Variants in CHKA observed in about 807,000 individuals in gnomAD.
The protein encoded by CHKA is CHETK-alpha.
In CHKA, 34 loss-of-function variants were observed where a neutral mutation model predicts 60.1. The ratio of observed to expected loss-of-function variants is 0.57; its 90% confidence interval spans 0.43 to 0.75. CHKA has a LOEUF of 0.75. CHKA is among the 30% of genes least tolerant of loss of function. The probability of loss-of-function intolerance (pLI) is 0.00; values close to 1 mark genes in which losing one functional copy is unlikely to be tolerated. For missense variants in CHKA, 563 were observed against 561.3 expected (o/e 1.00, Z -0.03); for synonymous variants, 217 against 223.1 (o/e 0.97, Z 0.24).
At chr11:68,081,984 T>A (rs1590854953) in intron 2 of CHKA, 1 of 152,404 alleles carries the variant, frequency 6.6e-6, no homozygotes, top group Non-Finnish European at 1.5e-5. Context: ...CTCGCCACTT[T>A]CCCAGAGTAA....
At chr11:68,090,426 C>T (rs1857314271) in intron 2 of CHKA, among the ~76,000 whole-genome samples, 1 of 152,176 alleles carries the variant, frequency 6.6e-6, no homozygotes, top group Non-Finnish European at 1.5e-5. Context: ...GACATGACTC[C>T]TTCAAGGAGT....
At position 68,118,007 on chromosome 11, in the gene CHKA, C is replaced by T. The variant is rs911230767; in HGVS notation, c.350+2821G>A. Among the ~76,000 whole-genome samples the T allele has an allele frequency of 5.3e-5, 8 of 152,194 alleles. No homozygotes were observed. The East Asian group carries it at 5.8e-4, about 11-fold the overall frequency. ...GCTCTGGCCAGGCTGCTGCTACAAA[C>T]GCAGAGCGAAAGCAGAAGCACATTC... On this transcript the variant is annotated intron_variant, in intron 1 of 11. Transcript: ENST00000265689.
At chr11:68,071,030 G>C (rs1301222951) in intron 4 of CHKA, among the ~76,000 whole-genome samples, 173 bp from the exon 5 acceptor site, 1 of 152,142 alleles carries the variant, frequency 6.6e-6, no homozygotes, top group East Asian at 1.9e-4. Context: ...CCCAGCAATT[G>C]CTATGGCATT....
intron 2 of CHKA, chr11:68,082,210 G>A (rs1857010516): frequency 1.3e-5 from 2 of 150,826 alleles, no homozygotes; most frequent in Non-Finnish European, 2.9e-5. Flanking sequence ...CAACCCTTGG[G>A]CTACATTCTT....
chr11:68,069,007 CAT>C, intron 6 of CHKA, 70 bp from the exon 7 acceptor site: 1 of 1,199,840 alleles, frequency 8.3e-7, no homozygotes, highest in Non-Finnish European at 1.2e-6. Flanking sequence ...GCTTTCTCCA[CAT>C]GGCCAGCACC....
chr11:68,087,938 C>A (rs576211478), intron 2 of CHKA, among the ~76,000 whole-genome samples: 1 of 151,996 alleles, frequency 6.6e-6, no homozygotes, highest in South Asian at 2.1e-4. Flanking sequence ...CATGGTGAAA[C>A]CCTGTCTCTA....
intron 11 of CHKA, among the ~76,000 whole-genome samples, chr11:68,057,214 T>G (rs527783589): frequency 4.6e-5 from 7 of 152,336 alleles, no homozygotes; most frequent in Non-Finnish European, 1.0e-4. Flanking sequence ...GAAAAAGCAC[T>G]TTGGTTTTTA....
intron 4 of CHKA, among the ~76,000 whole-genome samples, chr11:68,074,186 C>A (rs1388524618): frequency 6.6e-6 from 1 of 152,176 alleles, no homozygotes; most frequent in Non-Finnish European, 1.5e-5. Context: ...GGAAAATAAT[C>A]CTGACTGCTT....
chr11:68,106,633 A>G (rs1252283403), intron 1 of CHKA, among the ~76,000 whole-genome samples: 2 of 152,130 alleles, frequency 1.3e-5, no homozygotes, highest in East Asian at 3.8e-4. Context: ...GCAGGCCTCC[A>G]AGTCTGTTTT....
intron 4 of CHKA, among the ~76,000 whole-genome samples, chr11:68,071,193 A>G (rs143004442): frequency 6.6e-6 from 1 of 152,260 alleles, no homozygotes; most frequent in Non-Finnish European, 1.5e-5. Context: ...TCACTACCCA[A>G]TGCTGAAGTC....
chr11:68,093,437 TC>T (rs1178955285), intron 2 of CHKA, among the ~76,000 whole-genome samples: 1 of 152,130 alleles, frequency 6.6e-6, no homozygotes, highest in East Asian at 1.9e-4. Context: ...GGGTACCTCC[TC>T]CCCCCAAATT....
intron 2 of CHKA, among the ~76,000 whole-genome samples, chr11:68,089,429 T>C (rs182342715): frequency 3.3e-5 from 5 of 152,198 alleles, no homozygotes; most frequent in African/African-American, 9.6e-5. Flanking sequence ...AAGAAGAAGG[T>C]TTGTTTCTAA....
chr11:68,063,343 T>TA lies in CHKA; in HGVS notation c.1232+1181dup, dbSNP rs199956920. Among the ~76,000 whole-genome samples, 114 of 151,832 alleles carry TA rather than the reference T, an allele frequency of 7.5e-4. 2 individuals are homozygous for TA. The East Asian group carries it at 0.02, about 27-fold the overall frequency. On this transcript the variant is annotated intron_variant, in intron 10 of 11. Transcript: ENST00000265689. ...GCAAGACCTCGTGTCTACAAAAAAA[T>TA]ACAAAAATTAGCCAGGCATGGTGGT...
intron 2 of CHKA, among the ~76,000 whole-genome samples, chr11:68,090,836 T>TA (rs1386013758): frequency 4.6e-5 from 7 of 152,342 alleles, no homozygotes; most frequent in Non-Finnish European, 8.8e-5. Context: ...AGACCGCTCA[T>TA]AACGGTGAGG....
chr11:68,065,768 C>T lies in CHKA; in HGVS notation c.1125+18G>A, dbSNP rs767448998. 11 of 1,520,142 alleles carry T rather than the reference C, an allele frequency of 7.2e-6. No homozygotes were observed. Among genetic ancestry groups the T allele is most frequent in the Admixed American group, 3.5e-5 (2 of 57,470 alleles). 94.2% of individuals were successfully genotyped at this position (1,520,142 alleles called of 1,614,324 possible). On this transcript the variant is annotated intron_variant, in intron 9 of 11. Coordinates refer to ENST00000265689, the MANE Select transcript of CHKA (RefSeq NM_001277.3). The stretch of plus-strand genomic sequence containing the variant: ...ACATGTAATTTTCCTATCAAGTATA[C>T]AAAAACTCATCTCCTACCTGTTGTT...
At position 68,053,916 on chromosome 11, in the gene CHKA, G is replaced by A. The variant is rs1855895718; in HGVS notation, c.*72C>T. 1.5e-6 allele frequency: 2 copies of A among 1,339,860 alleles called. No individual in the cohort carries two copies. Among genetic ancestry groups the A allele is most frequent in the South Asian group, 1.2e-5 (1 of 82,708 alleles). The allele number at this position is 1,339,860 out of a possible 1,614,324, so 83.0% of individuals were successfully genotyped here. On this transcript the variant is annotated 3_prime_UTR_variant, in exon 12 of 12. Coordinates refer to ENST00000265689, the MANE Select transcript of CHKA (RefSeq NM_001277.3). Reference sequence around the variant, plus strand: ...TCCTGCCACAGGAGCAGTAGTCGAAGCACAGAGGGGACCCCGCTCTGCTGC... The same window carrying A: ...TCCTGCCACAGGAGCAGTAGTCGAAACACAGAGGGGACCCCGCTCTGCTGC...
At chr11:68,062,066 G>C (rs773873878) in intron 10 of CHKA, 32 bp from the exon 11 acceptor site, 5 of 1,400,106 alleles carry the variant, frequency 3.6e-6, no homozygotes, top group Non-Finnish European at 4.0e-6. Context: ...ACATATAAGA[G>C]ACATACAGTA....
At chr11:68,118,062 T>C (rs745461095) in intron 1 of CHKA, among the ~76,000 whole-genome samples, 3 of 151,916 alleles carry the variant, frequency 2.0e-5, no homozygotes, top group Non-Finnish European at 4.4e-5. Flanking sequence ...AGGGTTAAAT[T>C]TGGAATAGGA....
intron 1 of CHKA, among the ~76,000 whole-genome samples, chr11:68,105,666 CTGAA>C (rs2153027609): frequency 6.6e-6 from 1 of 152,112 alleles, no homozygotes; most frequent in South Asian, 2.1e-4. Flanking sequence ...TGTGAATCCG[CTGAA>C]TGAATGCTTA....
Sources: allele counts gnomAD v4.1 joint callset (sites outside exome capture counted in the v4.1 genomes callset), GRCh38; gene constraint gnomAD v4.1.1; transcripts MANE v1.5; gene names NCBI Gene and HGNC (gene_info 2026-07-23, HGNC 2026-07-21).